CCDC171: variants seen among roughly 807,000 people sequenced by gnomAD.
CCDC171 encodes the protein coiled-coil domain-containing protein 171.
A neutral mutation model predicts 168.2 loss-of-function variants in CCDC171; 177 were observed. The ratio of observed to expected loss-of-function variants is 1.05; its 90% CI spans 0.93 to 1.19. The LOEUF is 1.19. Among genes scored for constraint, CCDC171 ranks in the 50% most tolerant of loss-of-function variants. CCDC171 has a pLI of 0.00. For missense variants in CCDC171, 1,991 were observed against 1,539.0 expected (o/e 1.29, Z -4.91); for synonymous variants, 687 against 540.8 (o/e 1.27, Z -3.75).
At chr9:16,039,288 T>C (rs1022503665), upstream of CCDC171, among the ~76,000 whole-genome samples, 3 of 152,182 alleles carry the variant, frequency 2.0e-5, no homozygotes, top group Admixed American at 6.5e-5. Flanking sequence ...CTGAGGCCCC[T>C]ATTCCAGCCT....
chr9:15,877,179 G>GAAACAAACAAAC (rs3082868), intron 24 of CCDC171, among the ~76,000 whole-genome samples: 20 of 150,076 alleles, frequency 1.3e-4, no homozygotes, highest in East Asian at 9.9e-4. Flanking sequence ...TTTCTTAGCT[G>GAAACAAACAAAC]AAACAAACAA....
intron 24 of CCDC171, among the ~76,000 whole-genome samples, chr9:15,910,907 T>C (rs1823532975): frequency 6.6e-6 from 1 of 152,206 alleles, no homozygotes; most frequent in African/African-American, 2.4e-5. Context: ...TAGTATTCCA[T>C]GGTGTATATG....
chr9:15,921,464 T>G (rs1589134257), intron 25 of CCDC171, among the ~76,000 whole-genome samples: 2 of 151,796 alleles, frequency 1.3e-5, no homozygotes, highest in Non-Finnish European at 2.9e-5. Flanking sequence ...TGGTGCATTT[T>G]ATTTATTTGC....
intron 6 of CCDC171, among the ~76,000 whole-genome samples, chr9:15,602,005 C>G (rs2131662780): frequency 6.6e-6 from 1 of 152,264 alleles, no homozygotes; most frequent in South Asian, 2.1e-4. Context: ...AATTAGGCAT[C>G]TGTCTTTCAT....
intron 7 of CCDC171, among the ~76,000 whole-genome samples, chr9:15,654,804 A>G (rs2047797232): frequency 6.6e-6 from 1 of 152,158 alleles, no homozygotes; most frequent in Non-Finnish European, 1.5e-5. Context: ...AAGTGGGTGC[A>G]GGACAGTGGG....
intron 9 of CCDC171, among the ~76,000 whole-genome samples, chr9:15,669,977 A>T (rs1318621962): frequency 6.9e-6 from 1 of 145,740 alleles, no homozygotes; most frequent in Non-Finnish European, 1.5e-5. Context: ...AAAAAAAAGA[A>T]TGGGACTCCA....
chr9:15,777,687 T>C lies in CCDC171; in HGVS notation c.2759T>C (p.Met920Thr). The change falls in exon 19 of 26, where the codon ATG (methionine) becomes ACG (threonine). Residue 920 changes from methionine (M) to threonine (T), a missense_variant. Coordinates refer to ENST00000380701, the MANE Select transcript of CCDC171 (RefSeq NM_173550.4). ...CTCATGGATAAAATTAGTCTGGTAA[T>C]GGAATGTATACCTCTGCACAGTAGC... ...AKLMDKISLVMECIPLHSSRS... is the reference protein window; with the variant it reads ...AKLMDKISLVTECIPLHSSRS... 6.2e-7 allele frequency: 1 copy of C among 1,613,942 alleles called. No homozygotes were observed. The highest frequency in any genetic ancestry group is 8.5e-7 in the Non-Finnish European group (1 of 1,179,876).
At chr9:15,747,168 G>A (rs530207442) in intron 18 of CCDC171, among the ~76,000 whole-genome samples, 1 of 152,200 alleles carries the variant, frequency 6.6e-6, no homozygotes, top group Non-Finnish European at 1.5e-5. Context: ...GGAGCCTACC[G>A]CAGCTCAGCA....
At chr9:15,603,539 A>G (rs1477262745) in intron 6 of CCDC171, among the ~76,000 whole-genome samples, 2 of 152,184 alleles carry the variant, frequency 1.3e-5, no homozygotes, top group African/African-American at 4.8e-5. Flanking sequence ...TTTGCTGAGG[A>G]TAATGGCTTC....
chr9:15,840,166 A>G (rs1461496317), intron 21 of CCDC171, among the ~76,000 whole-genome samples: 2 of 152,080 alleles, frequency 1.3e-5, no homozygotes, highest in Non-Finnish European at 2.9e-5. Context: ...CACCAAAACA[A>G]TTCTCGAAGT....
chr9:16,048,249 T>C (rs779235572), intron 1 of CCDC171, among the ~76,000 whole-genome samples: 2 of 152,218 alleles, frequency 1.3e-5, no homozygotes, highest in Non-Finnish European at 2.9e-5. Context: ...ATGGCTGAAC[T>C]CGTGGGAAAC....
At chr9:15,857,934 G>GAGAT (rs2061408537) in intron 23 of CCDC171, among the ~76,000 whole-genome samples, 1 of 151,064 alleles carries the variant, frequency 6.6e-6, no homozygotes, top group African/African-American at 2.4e-5. Context: ...CTATAGTTTT[G>GAGAT]ATATATATAT....
the CCDC171 span, among the ~76,000 whole-genome samples, chr9:16,100,084 C>G: frequency 6.6e-6 from 1 of 152,020 alleles, no homozygotes; most frequent in Non-Finnish European, 1.5e-5. Context: ...CCTGAGCTTT[C>G]AATAAATCAG....
At chr9:15,648,168 G>A (rs2132701111) in intron 7 of CCDC171, among the ~76,000 whole-genome samples, 1 of 152,282 alleles carries the variant, frequency 6.6e-6, no homozygotes, top group East Asian at 1.9e-4. Flanking sequence ...CTGAATAGAT[G>A]CAGAAAAGGC....
intron 6 of CCDC171, among the ~76,000 whole-genome samples, chr9:15,619,732 A>G (rs899988435): frequency 6.6e-6 from 1 of 152,226 alleles, no homozygotes; most frequent in Non-Finnish European, 1.5e-5. Context: ...TGCAGACAAA[A>G]CAATCTTCTA....
At chr9:15,628,790 C>A (rs1334899629) in intron 7 of CCDC171, among the ~76,000 whole-genome samples, 1 of 152,182 alleles carries the variant, frequency 6.6e-6, no homozygotes, top group Non-Finnish European at 1.5e-5. Flanking sequence ...CCAGTAGAGG[C>A]AGACTGACAC....
rs554214293 is a variant in CCDC171 at position 15,846,162 on chromosome 9, A to G, written c.3268-540A>G. ...CAAGTAGATTTTATTTTGGAGTCCA[A>G]TTTGTTTGTTTGCTGAAATGTCTAT... On this transcript the variant is annotated intron_variant, in intron 21 of 25. Coordinates refer to ENST00000380701, the MANE Select transcript of CCDC171 (RefSeq NM_173550.4). Among the ~76,000 whole-genome samples the G allele has an allele frequency of 1.2e-4, 18 of 152,192 alleles. No homozygotes were observed. The South Asian group carries it at 1.7e-3, about 14-fold the overall frequency.
intron 1 of CCDC171, among the ~76,000 whole-genome samples, chr9:15,557,119 T>C (rs138691055): frequency 0.055 from 8,309 of 152,286 alleles, 279 homozygotes; most frequent in African/African-American, 0.086. Context: ...TTGTTACCAG[T>C]ACCATGCTGT....
intron 7 of CCDC171, among the ~76,000 whole-genome samples, chr9:15,634,668 A>G (rs1049647136): frequency 6.6e-6 from 1 of 152,210 alleles, no homozygotes; most frequent in African/African-American, 2.4e-5. Context: ...TTTGCATATT[A>G]TAAATTTGTC....
Sources: gnomAD v4.1 joint callset for allele counts (sites outside exome capture counted in the v4.1 genomes callset) on GRCh38, gnomAD v4.1.1 for gene constraint, MANE v1.5 for transcripts, NCBI Gene and HGNC (gene_info 2026-07-23, HGNC 2026-07-21) for gene names.